The following LRP1B variants were observed in gnomAD, a reference collection of about 807,000 sequenced individuals.
LRP1B encodes the protein low-density lipoprotein receptor-related protein 1B.
In LRP1B, 217 loss-of-function variants were observed where a neutral mutation model predicts 556.6. The ratio of observed to expected loss-of-function variants is 0.39; its 90% CI spans 0.35 to 0.44. The LOEUF (loss-of-function observed/expected upper bound fraction) is 0.44. Ranked by LOEUF, LRP1B falls within the 20% of genes least tolerant of loss-of-function variation. LRP1B has a pLI of 1.00. For synonymous variants in LRP1B, 2,047 were observed against 1,865.8 expected (o/e 1.10, Z -2.50); for missense variants, 5,053 against 5,620.8 (o/e 0.90, Z 3.23).
chr2:140,400,121 T>C (rs890091844), intron 66 of LRP1B, among the ~76,000 whole-genome samples: 1 of 151,512 alleles, frequency 6.6e-6, no homozygotes, highest in Non-Finnish European at 1.5e-5. Context: ...ATCTGAAATA[T>C]ATGATGTCAG....
intron 35 of LRP1B, among the ~76,000 whole-genome samples, chr2:140,735,180 C>T (rs1001998428): frequency 1.3e-5 from 2 of 152,080 alleles, no homozygotes; most frequent in African/African-American, 4.8e-5. Context: ...ACACGATGTG[C>T]AATTGCTAAA....
At chr2:140,899,984 A>C (rs1010759122) in intron 23 of LRP1B, among the ~76,000 whole-genome samples, 2 of 152,210 alleles carry the variant, frequency 1.3e-5, no homozygotes, top group South Asian at 2.1e-4. Context: ...AACAAGAAAA[A>C]AAAACAAAAA....
chr2:141,745,083 G>A (rs1365315892), intron 2 of LRP1B, among the ~76,000 whole-genome samples: 2 of 152,034 alleles, frequency 1.3e-5, no homozygotes, highest in African/African-American at 4.8e-5. Context: ...AGCCAGGGAT[G>A]GGATGACATA....
chr2:140,453,026 TG>T (rs1367552676), intron 62 of LRP1B, among the ~76,000 whole-genome samples: 1 of 150,362 alleles, frequency 6.7e-6, no homozygotes, highest in Non-Finnish European at 1.5e-5. Context: ...AGTGACTGTC[TG>T]GGGATATGAG....
intron 1 of LRP1B, among the ~76,000 whole-genome samples, chr2:141,984,493 T>C (rs1444703933): frequency 6.6e-6 from 1 of 152,078 alleles, no homozygotes; most frequent in Non-Finnish European, 1.5e-5. Context: ...AATAAATATA[T>C]ATAGAAGGTA....
At chr2:141,987,947 T>A (rs1180811674) in intron 1 of LRP1B, among the ~76,000 whole-genome samples, 1 of 151,916 alleles carries the variant, frequency 6.6e-6, no homozygotes, top group Non-Finnish European at 1.5e-5. Flanking sequence ...AAGTGGCGTA[T>A]GCAAAGGATT....
At chr2:140,755,734 G>T (rs925105075) in intron 35 of LRP1B, among the ~76,000 whole-genome samples, 4 of 151,992 alleles carry the variant, frequency 2.6e-5, no homozygotes, top group Non-Finnish European at 5.9e-5. Flanking sequence ...AATGGATAAT[G>T]ACTGGATATT....
At chr2:141,797,368 G>A (rs1354666907) in intron 2 of LRP1B, among the ~76,000 whole-genome samples, 1 of 151,538 alleles carries the variant, frequency 6.6e-6, no homozygotes, top group African/African-American at 2.4e-5. Flanking sequence ...AGTGTCATGA[G>A]GGAAACAGAG....
intron 1 of LRP1B, among the ~76,000 whole-genome samples, chr2:141,912,244 C>G (rs1404107651): frequency 6.6e-6 from 1 of 152,094 alleles, no homozygotes; most frequent in Non-Finnish European, 1.5e-5. Flanking sequence ...TGTTGGTTTT[C>G]TGGTATGGTG....
intron 41 of LRP1B, among the ~76,000 whole-genome samples, chr2:140,688,465 C>CA (rs142706267): frequency 0.58 from 87,594 of 151,502 alleles, 26,800 homozygotes; most frequent in Middle Eastern, 0.74. Flanking sequence ...ACAGATAAAA[C>CA]AAAAAAAAGA....
chr2:140,875,004 G>A (rs1230487434), intron 25 of LRP1B, among the ~76,000 whole-genome samples: 1 of 147,082 alleles, frequency 6.8e-6, no homozygotes, highest in African/African-American at 2.6e-5. Context: ...TGCAACAAAA[G>A]CAAAACTCTG....
At chr2:141,017,531 A>G (rs532285285) in intron 12 of LRP1B, among the ~76,000 whole-genome samples, 41 of 151,934 alleles carry the variant, frequency 2.7e-4, no homozygotes, top group Admixed American at 2.5e-3. Context: ...TGCATATTTT[A>G]CTATTTGAGA....
chr2:141,773,185 AT>A (rs1446729452), intron 2 of LRP1B, among the ~76,000 whole-genome samples: 3 of 152,210 alleles, frequency 2.0e-5, no homozygotes, highest in Non-Finnish European at 4.4e-5. Context: ...ATATTATGAC[AT>A]TATGGAGATT....
At chr2:140,562,691 G>A (rs1004987758) in intron 43 of LRP1B, among the ~76,000 whole-genome samples, 7 of 151,966 alleles carry the variant, frequency 4.6e-5, no homozygotes, top group African/African-American at 1.7e-4. Flanking sequence ...CACGATCTTG[G>A]CTCATTGCAA....
At chr2:141,439,426 A>G (rs113347434) in intron 3 of LRP1B, among the ~76,000 whole-genome samples, 217 of 151,838 alleles carry the variant, frequency 1.4e-3, no homozygotes, top group African/African-American at 5.1e-3. Context: ...ATCAATAACT[A>G]TAATATAATT....
rs1437399353 is a variant in LRP1B, at chr2:140,323,911, G to A, written c.12496C>T (p.Arg4166Cys). 1 of 1,549,632 alleles carries A rather than the reference G, an allele frequency of 6.5e-7. No homozygotes were observed. Among genetic ancestry groups the A allele is most frequent in the Non-Finnish European group, 8.9e-7 (1 of 1,123,910 alleles). ...TACTTACAATCTAGTTGTTTATAAC[G>A]ATGAGATATCAAAACACCTTTTGTT... ...DKTKGVLISH[R>C]YKQLDLPNPC... Residue 4166 changes from arginine to cysteine, a missense_variant, in exon 81 of 91, where the codon CGT becomes TGT. Around this residue, in one of 5 missense-constraint regions of LRP1B, gnomAD observed 551 missense variants for 592.0 expected, o/e 0.93. Coordinates refer to ENST00000389484, the MANE Select transcript of LRP1B (RefSeq NM_018557.3).
intron 7 of LRP1B, among the ~76,000 whole-genome samples, chr2:141,087,115 C>G (rs1401178530): frequency 1.3e-5 from 2 of 152,062 alleles, no homozygotes; most frequent in African/African-American, 4.8e-5. Context: ...TTGATGAAAC[C>G]AGTTGATTGT....
At chr2:140,527,803 G>A (rs1466861487) in intron 47 of LRP1B, among the ~76,000 whole-genome samples, 2 of 151,648 alleles carry the variant, frequency 1.3e-5, no homozygotes, top group African/African-American at 4.8e-5. Flanking sequence ...ATATAATCAT[G>A]TCAATCATTT....
At chr2:142,066,196 T>C (rs981338903) in intron 1 of LRP1B, among the ~76,000 whole-genome samples, 27 of 151,612 alleles carry the variant, frequency 1.8e-4, no homozygotes, top group African/African-American at 6.5e-4. Context: ...CTCTAGACCA[T>C]GCTTTCCTTC....
Sources: gnomAD v4.1 joint callset for allele counts (sites outside exome capture counted in the v4.1 genomes callset) on GRCh38, gnomAD v4.1.1 for gene constraint, gnomAD v4.1.1 regional missense constraint, MANE v1.5 for transcripts, NCBI Gene and HGNC (gene_info 2026-07-23, HGNC 2026-07-21) for gene names.